The following KCNH8 variants were observed in gnomAD, a reference collection of about 807,000 sequenced individuals.
The protein encoded by KCNH8 is voltage-gated delayed rectifier potassium channel KCNH8.
KCNH8 carries 70 observed loss-of-function variants against 103.6 expected under a neutral mutation model. That is an observed-to-expected ratio of 0.68 (90% CI 0.56 to 0.82). KCNH8 has a LOEUF of 0.82. Among genes scored for constraint, KCNH8 ranks in the 40% least tolerant of loss-of-function variants. The pLI is 0.00. For missense variants in KCNH8, 1,217 were observed against 1,329.9 expected, an observed-to-expected ratio of 0.92 and a Z score of 1.32; for synonymous variants, 498 against 489.4, an observed-to-expected ratio of 1.02 and a Z score of -0.23.
At chr3:19,224,032 C>G (rs917002569) in intron 1 of KCNH8, among the ~76,000 whole-genome samples, 3 of 152,086 alleles carry the variant, frequency 2.0e-5, no homozygotes, top group African/African-American at 7.2e-5. Context: ...ACATCTTATA[C>G]TGATTTGTGC....
chr3:19,157,921 A>G lies in KCNH8; in HGVS notation c.76+9126A>G, dbSNP rs9839844. Among the ~76,000 whole-genome samples the G allele has an allele frequency of 3.4e-3, 514 of 151,820 alleles. 4 individuals are homozygous for G. Among genetic ancestry groups the G allele is most frequent in the African/African-American group, 0.012 (498 of 41,510 alleles). ...AGTTTTGGTTGGTCTTTTGATTTTT[A>G]TATAGATGAATTAATAAATTTCCCT... On this transcript the variant is annotated intron_variant, in intron 1 of 15. Transcript: ENST00000328405.
At chr3:19,181,562 T>A (rs2063453400) in intron 1 of KCNH8, among the ~76,000 whole-genome samples, 1 of 152,178 alleles carries the variant, frequency 6.6e-6, no homozygotes, top group Non-Finnish European at 1.5e-5. Context: ...ACCCTATGAT[T>A]ACCATGAGCA....
At chr3:19,187,783 A>G (rs1393797868) in intron 1 of KCNH8, among the ~76,000 whole-genome samples, 1 of 152,124 alleles carries the variant, frequency 6.6e-6, no homozygotes, top group South Asian at 2.1e-4. Context: ...AATTGTACAT[A>G]TAATGTAATA....
chr3:19,463,342 TA>T, intron 11 of KCNH8, among the ~76,000 whole-genome samples: 1 of 152,082 alleles, frequency 6.6e-6, no homozygotes, highest in Admixed American at 6.5e-5. Context: ...AGTTTCATAC[TA>T]GTAGTATGCA....
intron 7 of KCNH8, among the ~76,000 whole-genome samples, chr3:19,434,748 T>C (rs536333832): frequency 2.5e-4 from 38 of 152,294 alleles, no homozygotes; most frequent in African/African-American, 8.2e-4. Context: ...TAATTACTGT[T>C]AAAGTAATAT....
intron 7 of KCNH8, among the ~76,000 whole-genome samples, chr3:19,409,842 A>G (rs956070486): frequency 2.6e-5 from 4 of 152,288 alleles, no homozygotes; most frequent in African/African-American, 9.6e-5. Context: ...GTATGTACAC[A>G]CCAAACACAG....
chr3:19,256,577 A>G (rs1312712993), intron 2 of KCNH8, among the ~76,000 whole-genome samples: 1 of 152,096 alleles, frequency 6.6e-6, no homozygotes, highest in Non-Finnish European at 1.5e-5. Flanking sequence ...TGTCCTTCTT[A>G]AGATAGGCAC....
intron 1 of KCNH8, among the ~76,000 whole-genome samples, chr3:19,235,813 A>C (rs1357416720): frequency 1.3e-5 from 2 of 152,194 alleles, no homozygotes; most frequent in Non-Finnish European, 2.9e-5. Flanking sequence ...AGTTGAAATG[A>C]CTTGATTTTC....
At chr3:19,382,149 A>G (rs932608193) in intron 5 of KCNH8, among the ~76,000 whole-genome samples, 1 of 152,214 alleles carries the variant, frequency 6.6e-6, no homozygotes, top group African/African-American at 2.4e-5. Flanking sequence ...ATAGAAACCT[A>G]TAGTTTAAAT....
At chr3:19,524,581 A>G (rs2069030062) in intron 15 of KCNH8, among the ~76,000 whole-genome samples, 2 of 150,812 alleles carry the variant, frequency 1.3e-5, no homozygotes, top group African/African-American at 4.9e-5. Flanking sequence ...AACAATGTGG[A>G]TCTCTCAAAA....
chr3:19,353,685 C>G (rs1446213158), intron 5 of KCNH8, among the ~76,000 whole-genome samples: 3 of 152,066 alleles, frequency 2.0e-5, no homozygotes, highest in Non-Finnish European at 4.4e-5. Context: ...ATTCAGCAGC[C>G]CTCCATGCTA....
At chr3:19,501,793 T>C (rs1034757957) in intron 11 of KCNH8, among the ~76,000 whole-genome samples, 3 of 152,064 alleles carry the variant, frequency 2.0e-5, no homozygotes, top group African/African-American at 4.8e-5. Flanking sequence ...ATAAGAGCTA[T>C]CTATGACAAA....
At chr3:19,442,399 A>G (rs1221425133) in intron 8 of KCNH8, among the ~76,000 whole-genome samples, 1 of 152,202 alleles carries the variant, frequency 6.6e-6, no homozygotes, top group Non-Finnish European at 1.5e-5. Context: ...AAAAATCCAT[A>G]AGATAATTGA....
intron 10 of KCNH8, among the ~76,000 whole-genome samples, chr3:19,454,657 T>G (rs1166851268): frequency 6.6e-6 from 1 of 152,140 alleles, no homozygotes; most frequent in African/African-American, 2.4e-5. Context: ...CAAATATGAT[T>G]CAATTGGATA....
chr3:19,174,815 CT>C (rs1348640838), intron 1 of KCNH8, among the ~76,000 whole-genome samples: 71 of 152,092 alleles, frequency 4.7e-4, no homozygotes, highest in African/African-American at 1.7e-3. Context: ...ATTTTTATTC[CT>C]GAATAGTAAA....
chr3:19,153,147 A>G (rs952187873), intron 1 of KCNH8, among the ~76,000 whole-genome samples: 1 of 152,166 alleles, frequency 6.6e-6, no homozygotes, highest in African/African-American at 2.4e-5. Context: ...TAAAGGACTT[A>G]TCACAGGGGT....
chr3:19,246,922 G>T (rs573367017), intron 1 of KCNH8, among the ~76,000 whole-genome samples: 3 of 152,142 alleles, frequency 2.0e-5, no homozygotes, highest in African/African-American at 7.2e-5. Flanking sequence ...CTCTCTGTTT[G>T]TTTGTTTATT....
chr3:19,371,074 G>A (rs1389165376), intron 5 of KCNH8, among the ~76,000 whole-genome samples: 3 of 151,898 alleles, frequency 2.0e-5, no homozygotes, highest in African/African-American at 7.3e-5. Context: ...AAACATACGT[G>A]TGCATGTGTC....
intron 11 of KCNH8, among the ~76,000 whole-genome samples, chr3:19,488,978 A>AG (rs2068265750): frequency 6.6e-6 from 1 of 152,098 alleles, no homozygotes. Flanking sequence ...CCAATTGAGG[A>AG]GGTCAGCAGA....
Sources: gnomAD v4.1 joint callset for allele counts (sites outside exome capture counted in the v4.1 genomes callset) on GRCh38, gnomAD v4.1.1 for gene constraint, MANE v1.5 for transcripts, NCBI Gene and HGNC (gene_info 2026-07-23, HGNC 2026-07-21) for gene names.